The following ARFGEF1 variants were observed in gnomAD, a reference collection of about 807,000 sequenced individuals.
ARFGEF1 encodes ARF guanine nucleotide exchange factor 1.
ARFGEF1 carries 42 observed loss-of-function variants against 231.0 expected under a neutral mutation model. The ratio of observed to expected loss-of-function variants is 0.18; its 90% CI spans 0.14 to 0.24. ARFGEF1 has a LOEUF of 0.24. ARFGEF1 is among the 10% of genes least tolerant of loss of function. ARFGEF1 has a pLI of 1.00. For missense variants in ARFGEF1, 1,345 were observed against 2,192.0 expected, an observed-to-expected ratio of 0.61 and a Z score of 7.72; for synonymous variants, 710 against 732.3, an observed-to-expected ratio of 0.97 and a Z score of 0.49.
At chr8:67,263,062 C>T (rs952289972) in intron 14 of ARFGEF1, among the ~76,000 whole-genome samples, 1 of 152,166 alleles carries the variant, frequency 6.6e-6, no homozygotes, top group African/African-American at 2.4e-5. Flanking sequence ...AAACCTTTCT[C>T]AATACAGCTC....
chr8:67,328,498 G>A (rs968610004), intron 1 of ARFGEF1, among the ~76,000 whole-genome samples: 9 of 152,110 alleles, frequency 5.9e-5, no homozygotes, highest in Admixed American at 5.2e-4. Flanking sequence ...GCAATTTCTA[G>A]TTTTTGTTTT....
rs549879212 is a variant in ARFGEF1, at chr8:67,287,609, T to C, written c.1027+346A>G. Among the ~76,000 whole-genome samples the C allele has an allele frequency of 1.4e-4, 21 of 152,358 alleles. No individual in the cohort carries two copies. In the East Asian group the frequency reaches 4.0e-3, roughly 29 times the overall value. Reference sequence around the variant, plus strand: ...TAATCAGTTACAAAGTCTTCTTGATTCAATATACATTATATCACTTATCCA... The same window carrying C: ...TAATCAGTTACAAAGTCTTCTTGATCCAATATACATTATATCACTTATCCA... On this transcript the variant is annotated intron_variant, in intron 7 of 38. Transcript: ENST00000262215.
rs549171611 is a variant in ARFGEF1, at chr8:67,333,551, G to A, written c.124+9613C>T. Among the ~76,000 whole-genome samples the A allele has an allele frequency of 3.3e-5, 5 of 152,042 alleles. No homozygotes were observed. The East Asian group carries it at 7.7e-4, about 24-fold the overall frequency. ...TTGGTATTGAACTCCTGGGATCAAG[G>A]GATCTCCCTGTCTTGGCCTCTTTAA... On this transcript the variant is annotated intron_variant, in intron 1 of 38. Coordinates refer to ENST00000262215, the MANE Select transcript of ARFGEF1 (RefSeq NM_006421.5).
At chr8:67,194,987 A>AAAG (rs1476177263), downstream of ARFGEF1, among the ~76,000 whole-genome samples, 3 of 151,656 alleles carry the variant, frequency 2.0e-5, no homozygotes, top group Non-Finnish European at 2.9e-5. Flanking sequence ...AAAAAAATAA[A>AAAG]AAGAAAAAAG....
At chr8:67,327,184 T>C (rs181385795) in intron 1 of ARFGEF1, among the ~76,000 whole-genome samples, 83 of 152,342 alleles carry the variant, frequency 5.4e-4, no homozygotes, top group Admixed American at 1.5e-3. Context: ...CCACTACTTA[T>C]ACTTGTGTGT....
downstream of ARFGEF1, chr8:67,175,200 G>A (rs369984993): frequency 2.3e-6 from 2 of 867,170 alleles, no homozygotes; most frequent in Non-Finnish European, 3.7e-6. Context: ...CCTTGATTTT[G>A]AAATTAGGTT....
rs1306466084 is a variant in ARFGEF1, at chr8:67,203,096, G to C, written c.5115C>G (p.Ala1705=). The change falls in exon 36 of 39, where the codon GCC becomes GCG. Residue 1705 remains alanine (A), a synonymous_variant. Coordinates refer to ENST00000262215, the MANE Select transcript of ARFGEF1 (RefSeq NM_006421.5). ...TGTGCAGCTTACCTGCTTTCCACAG[G>C]GCAGTCCTCTGTTCGTTGTTGGAAT... The part of the protein sequence containing the change: ...AFNSNNEQRT[A]LWKAGFKGKS... 17 of 1,613,540 alleles carry C rather than the reference G, an allele frequency of 1.1e-5. No individual in the cohort carries two copies. The highest frequency in any genetic ancestry group is 1.4e-5 in the Non-Finnish European group (17 of 1,179,714).
rs773143026 is a variant in ARFGEF1, at chr8:67,267,166, A to G, written c.1737T>C (p.Phe579=). The change falls in exon 12 of 39, where the codon TTT becomes TTC. Residue 579 remains phenylalanine, a synonymous_variant. Transcript: ENST00000262215. ...TTGATAGATCATTTACTAGTCTTTC[A>G]AATATATTGGCTGCATTTAAGTCAC... The part of the protein sequence containing the change: ...YDCDLNAANI[F]ERLVNDLSKI... 6 of 1,613,386 alleles carry G rather than the reference A, an allele frequency of 3.7e-6. No individual in the cohort carries two copies. In the South Asian group the frequency reaches 6.6e-5, roughly 18 times the overall value.
intron 1 of ARFGEF1, among the ~76,000 whole-genome samples, chr8:67,316,635 T>C (rs1354575949): frequency 6.6e-6 from 1 of 152,082 alleles, no homozygotes; most frequent in Non-Finnish European, 1.5e-5. Flanking sequence ...AATTTTTGTA[T>C]TTTTTGTAGA....
At chr8:67,291,657 A>C (rs954909660) in intron 6 of ARFGEF1, among the ~76,000 whole-genome samples, 190 bp downstream of exon 6, 1 of 152,178 alleles carries the variant, frequency 6.6e-6, no homozygotes, top group Non-Finnish European at 1.5e-5. Flanking sequence ...GCAAAGTATC[A>C]TTCATAGATA....
intron 14 of ARFGEF1, among the ~76,000 whole-genome samples, chr8:67,263,879 G>T (rs1262435426): frequency 1.3e-5 from 2 of 152,102 alleles, no homozygotes; most frequent in African/African-American, 4.8e-5. Context: ...TCCTGGGAAA[G>T]GTGACTCTGG....
chr8:67,255,522 C>G (rs191728431), intron 17 of ARFGEF1, among the ~76,000 whole-genome samples: 2 of 152,226 alleles, frequency 1.3e-5, no homozygotes, highest in East Asian at 3.9e-4. Context: ...TTGTTAAAAT[C>G]CACCTATTTT....
chr8:67,299,736 C>T (rs1337051506), intron 3 of ARFGEF1, among the ~76,000 whole-genome samples: 2 of 152,054 alleles, frequency 1.3e-5, no homozygotes, highest in Non-Finnish European at 2.9e-5. Flanking sequence ...ATTGTCAGTC[C>T]ACATTGGGTG....
rs1484860018 is a variant in ARFGEF1, at chr8:67,253,479, T to C, written c.2670A>G (p.Leu890=). ...GTTTACTTGATTTTGTAGGGATTGT[T>C]AGTTCTTTTGTTTCTTTCATTGATA... The part of the protein sequence containing the change: ...KKISMKETKE[L]TIPTKSSKQN... The change falls in exon 18 of 39, where the codon CTA becomes CTG. Residue 890 remains leucine (L), a synonymous_variant. Transcript: ENST00000262215. 3 of 1,572,644 alleles carry C rather than the reference T, an allele frequency of 1.9e-6. No homozygotes were observed. The highest frequency in any genetic ancestry group is 2.6e-6 in the Non-Finnish European group (3 of 1,146,764).
chr8:67,234,887 G>A (rs758706961), intron 22 of ARFGEF1, among the ~76,000 whole-genome samples: 34 of 151,896 alleles, frequency 2.2e-4, no homozygotes, highest in Admixed American at 2.0e-4. Flanking sequence ...GTATTGGGGT[G>A]GTAGGGAAAT....
chr8:67,237,714 C>T (rs76397191), intron 22 of ARFGEF1, among the ~76,000 whole-genome samples: 4 of 152,124 alleles, frequency 2.6e-5, no homozygotes, highest in East Asian at 1.9e-4. Flanking sequence ...TGAATCTCGG[C>T]GAACTAAAGT....
chr8:67,228,104 C>G lies in ARFGEF1; in HGVS notation c.3450G>C (p.Val1150=). 1 of 1,610,868 alleles carries G rather than the reference C, an allele frequency of 6.2e-7. No homozygotes were observed. Residue 1150 remains valine (V), a synonymous_variant, in exon 25 of 39, where the codon GTG becomes GTC. Coordinates refer to ENST00000262215, the MANE Select transcript of ARFGEF1 (RefSeq NM_006421.5). The part of the protein sequence containing the change: ...IVDFVRWLCA[V]SMDELLSTTH... ...TCGTGGAAAGTAATTCATCCATAGA[C>G]ACAGCACAGAGCCAACGGACAAAAT...
chr8:67,250,531 T>C (rs1385452166), intron 19 of ARFGEF1, among the ~76,000 whole-genome samples: 1 of 152,202 alleles, frequency 6.6e-6, no homozygotes, highest in African/African-American at 2.4e-5. Flanking sequence ...TTACAAAATT[T>C]TGGAGCTAAA....
chr8:67,192,564 C>CTT (rs758748981), intron 5 of ARFGEF1, among the ~76,000 whole-genome samples: 76 of 152,264 alleles, frequency 5.0e-4, no homozygotes, highest in Non-Finnish European at 9.7e-4. Flanking sequence ...ACTCATCACT[C>CTT]TTTCTTGGGC....
Sources: gnomAD v4.1 joint callset for allele counts (sites outside exome capture counted in the v4.1 genomes callset) on GRCh38, gnomAD v4.1.1 for gene constraint, MANE v1.5 for transcripts, NCBI Gene and HGNC (gene_info 2026-07-23, HGNC 2026-07-21) for gene names.